Variants in NEK11 observed in about 807,000 individuals in gnomAD.
The protein encoded by NEK11 is NIMA related kinase 11, also known as serine/threonine-protein kinase Nek11.
Under a neutral mutation model 80.7 loss-of-function variants are expected in NEK11, and 72 were observed. That is an observed-to-expected ratio of 0.89 (90% CI 0.74 to 1.08). The LOEUF is 1.08. Among genes scored for constraint, NEK11 ranks in the 50% least tolerant of loss-of-function variants. The pLI is 0.00. For missense variants in NEK11, 764 were observed against 763.6 expected (o/e 1.00, Z -0.01); for synonymous variants, 251 against 260.7 (o/e 0.96, Z 0.36).
chr3:131,045,805 G>A (rs1179099521), intron 3 of NEK11, among the ~76,000 whole-genome samples: 1 of 152,062 alleles, frequency 6.6e-6, no homozygotes, highest in Non-Finnish European at 1.5e-5. Flanking sequence ...GTGCATGTAT[G>A]TTTAGGATTG....
At chr3:131,264,547 G>A (rs538625204) in intron 16 of NEK11, among the ~76,000 whole-genome samples, 2 of 152,062 alleles carry the variant, frequency 1.3e-5, no homozygotes, top group Non-Finnish European at 2.9e-5. Context: ...ATTTCTGAGG[G>A]CTCTGTTCTG....
At chr3:131,272,463 C>CTTTTTTTT (rs869304359) in intron 16 of NEK11, among the ~76,000 whole-genome samples, 1,327 of 43,920 alleles carry the variant, frequency 0.03, 233 homozygotes, top group Middle Eastern at 0.067. Flanking sequence ...GTTTTAGCTT[C>CTTTTTTTT]TTTTTTTTTT....
In NEK11 at chr3:131,132,761, G is replaced by T; in HGVS notation, c.472G>T (p.Asp158Tyr). The change falls in exon 6 of 18, where the codon GAC (aspartate) becomes TAC (tyrosine). Residue 158 changes from aspartate (D) to tyrosine (Y), a missense_variant. Asp to Tyr is a radical substitution (Grantham distance 160). Transcript: ENST00000383366. ...CTTTTGTAGGAGGATACTTCATCGA[G>T]ACTTAAAGTCAAAGAATGTATTTCT... Reference protein sequence around the residue: ...YMHERRILHRDLKSKNVFLKN... With the variant: ...YMHERRILHRYLKSKNVFLKN... 1.3e-6 allele frequency: 2 copies of T among 1,529,886 alleles called. No homozygotes were observed. The highest frequency in any genetic ancestry group is 2.4e-5 in the South Asian group (2 of 83,810). 94.8% of individuals were successfully genotyped at this position (1,529,886 alleles called of 1,614,324 possible).
chr3:131,056,244 A>G (rs2069467940), intron 3 of NEK11, among the ~76,000 whole-genome samples: 1 of 152,180 alleles, frequency 6.6e-6, no homozygotes, highest in East Asian at 1.9e-4. Context: ...AATGGGCGCT[A>G]TGGAATTGGA....
chr3:131,288,219 C>A (rs536002248), intron 17 of NEK11, among the ~76,000 whole-genome samples: 20 of 152,122 alleles, frequency 1.3e-4, no homozygotes, highest in Non-Finnish European at 2.6e-4. Context: ...AATATTGTCA[C>A]CTTCTGTATC....
chr3:131,341,166 A>C (rs1470931006), intron 17 of NEK11, among the ~76,000 whole-genome samples: 1 of 152,218 alleles, frequency 6.6e-6, no homozygotes, highest in Admixed American at 6.5e-5. Context: ...TGCAGAATAT[A>C]GTGTGTTTTC....
At chr3:131,109,471 G>C (rs571947893) in intron 4 of NEK11, 18 of 170,216 alleles carry the variant, frequency 1.1e-4, no homozygotes, top group Non-Finnish European at 2.1e-4. Context: ...GGAAGAAACT[G>C]TCAATTCTTC....
chr3:131,312,187 T>C lies in NEK11; in HGVS notation c.1719-37370T>C, dbSNP rs1486112955. 2.0e-5 allele frequency among the ~76,000 whole-genome samples: 3 copies of C among 152,230 alleles called. No homozygotes were observed. The East Asian group carries it at 5.8e-4, about 29-fold the overall frequency. On this transcript the variant is annotated intron_variant, in intron 17 of 17. Transcript: ENST00000383366. ...CACGGTTCTTTAAGTCAGGGAGACT[T>C]GGACTCCGATTTTTCTTGCCACTAA...
chr3:131,169,442 C>T (rs191047132), intron 13 of NEK11, among the ~76,000 whole-genome samples: 3 of 152,308 alleles, frequency 2.0e-5, no homozygotes, highest in Admixed American at 6.5e-5. Context: ...CAGACCCTAG[C>T]TGACAAGGCC....
At chr3:131,289,428 T>C (rs2108950536) in intron 17 of NEK11, among the ~76,000 whole-genome samples, 1 of 152,328 alleles carries the variant, frequency 6.6e-6, no homozygotes, top group East Asian at 1.9e-4. Flanking sequence ...TAAGGTGTTT[T>C]TATTATCTGT....
chr3:131,213,691 C>T (rs2094712821), intron 14 of NEK11, among the ~76,000 whole-genome samples: 1 of 152,140 alleles, frequency 6.6e-6, no homozygotes, highest in African/African-American at 2.4e-5. Context: ...GGACTAGCAG[C>T]ATCTCCATCA....
At chr3:131,036,105 T>C (rs904141437) in intron 3 of NEK11, among the ~76,000 whole-genome samples, 4 of 152,238 alleles carry the variant, frequency 2.6e-5, no homozygotes, top group African/African-American at 9.7e-5. Context: ...TAACGAAACA[T>C]GGCATTGGTC....
At chr3:131,287,835 T>C (rs1301793509) in intron 17 of NEK11, among the ~76,000 whole-genome samples, 1 of 152,192 alleles carries the variant, frequency 6.6e-6, no homozygotes, top group East Asian at 1.9e-4. Context: ...AGTAATATTA[T>C]GTAAGGAAGG....
chr3:131,283,988 G>A lies in NEK11; in HGVS notation c.1718+10414G>A, dbSNP rs929055897. ...TTGAATTCTTCTTGAGAGTCTGTTA[G>A]GTGTGAGGCATTGTGCTTTGGGGCA... On this transcript the variant is annotated intron_variant, in intron 17 of 17. Transcript: ENST00000383366. Among the ~76,000 whole-genome samples the A allele has an allele frequency of 3.3e-5, 5 of 152,130 alleles. No homozygotes were observed. In the East Asian group the frequency reaches 9.6e-4, roughly 29 times the overall value.
chr3:131,123,391 T>C (rs1219013512), intron 5 of NEK11, among the ~76,000 whole-genome samples: 1 of 152,098 alleles, frequency 6.6e-6, no homozygotes, highest in South Asian at 2.1e-4. Context: ...GGTCTCGAAC[T>C]CCTGACCTTG....
chr3:131,157,630 A>T (rs1212867440), intron 10 of NEK11, among the ~76,000 whole-genome samples: 1 of 152,196 alleles, frequency 6.6e-6, no homozygotes, highest in Non-Finnish European at 1.5e-5. Context: ...AGGGACCAGG[A>T]TGACTGGCAC....
At chr3:131,285,407 C>T (rs771497244) in intron 17 of NEK11, among the ~76,000 whole-genome samples, 4 of 152,278 alleles carry the variant, frequency 2.6e-5, no homozygotes, top group East Asian at 3.9e-4. Context: ...AAGAGCCCTG[C>T]GTCTACCAGT....
chr3:131,168,574 T>A (rs2092446715), intron 12 of NEK11, among the ~76,000 whole-genome samples: 1 of 151,810 alleles, frequency 6.6e-6, no homozygotes, highest in Non-Finnish European at 1.5e-5. Flanking sequence ...GCCAGGATGG[T>A]CTCGATCTCC....
chr3:131,267,545 T>C (rs1012216012), intron 16 of NEK11, among the ~76,000 whole-genome samples: 1 of 152,244 alleles, frequency 6.6e-6, no homozygotes, highest in African/African-American at 2.4e-5. Flanking sequence ...GTAGGGTTTC[T>C]GCTGAGAGAG....
Sources: gnomAD v4.1 joint callset for allele counts (sites outside exome capture counted in the v4.1 genomes callset) on GRCh38, gnomAD v4.1.1 for gene constraint, MANE v1.5 for transcripts, NCBI Gene and HGNC (gene_info 2026-07-23, HGNC 2026-07-21) for gene names.